Variants in TINAG observed in about 807,000 individuals in gnomAD.
The protein encoded by TINAG is tubulointerstitial nephritis antigen.
In TINAG, 83 loss-of-function variants were observed where a neutral mutation model predicts 72.7. The observed-to-expected ratio is 1.14, with a 90% CI of 0.96 to 1.37. The LOEUF (loss-of-function observed/expected upper bound fraction) is 1.37. Ranked by LOEUF, TINAG falls within the 40% of genes most tolerant of loss-of-function variation. TINAG has a pLI of 0.00. For synonymous variants in TINAG, 234 were observed against 189.9 expected, an observed-to-expected ratio of 1.23 and a Z score of -1.91; for missense variants, 685 against 576.6, an observed-to-expected ratio of 1.19 and a Z score of -1.93.
At chr6:54,348,804 T>C (rs1785191714) in intron 6 of TINAG, among the ~76,000 whole-genome samples, 1 of 152,160 alleles carries the variant, frequency 6.6e-6, no homozygotes, top group Non-Finnish European at 1.5e-5. Context: ...ATGTAATGCA[T>C]TTAATGCAAT....
At chr6:54,349,941 T>C (rs570409208) in intron 7 of TINAG, 45 bp downstream of exon 7, 2 of 1,365,386 alleles carry the variant, frequency 1.5e-6, no homozygotes, top group Non-Finnish European at 2.0e-6. Flanking sequence ...CTTTCTCAAA[T>C]GTATATAGCT....
At chr6:54,383,344 C>A (rs1764006351) in intron 10 of TINAG, among the ~76,000 whole-genome samples, 1 of 152,050 alleles carries the variant, frequency 6.6e-6, no homozygotes, top group South Asian at 2.1e-4. Flanking sequence ...AAAGCATTTA[C>A]AAATAGTCCT....
At chr6:54,382,763 G>T (rs1763988654) in intron 10 of TINAG, among the ~76,000 whole-genome samples, 1 of 152,070 alleles carries the variant, frequency 6.6e-6, no homozygotes. Context: ...GTCTACACAG[G>T]TAGCAGTGTA....
At chr6:54,368,340 T>A (rs949298202) in intron 9 of TINAG, among the ~76,000 whole-genome samples, 2 of 147,842 alleles carry the variant, frequency 1.4e-5, no homozygotes, top group African/African-American at 4.9e-5. Flanking sequence ...AATAATAATT[T>A]AAATATTAAA....
chr6:54,367,539 T>G (rs1480079957), intron 9 of TINAG, among the ~76,000 whole-genome samples: 1 of 151,720 alleles, frequency 6.6e-6, no homozygotes, highest in Non-Finnish European at 1.5e-5. Flanking sequence ...AGAAGAACCC[T>G]ACCTGAGCAT....
chr6:54,366,975 C>T (rs1489945904), intron 9 of TINAG: 1 of 151,486 alleles, frequency 6.6e-6, no homozygotes, highest in African/African-American at 2.4e-5. Context: ...AGACAGGGGG[C>T]CATTCTTCTA....
intron 4 of TINAG, among the ~76,000 whole-genome samples, chr6:54,329,183 A>T (rs1273603900): frequency 6.6e-6 from 1 of 152,116 alleles, no homozygotes; most frequent in South Asian, 2.1e-4. Context: ...TAGATTCACC[A>T]CGGTTAAAAT....
intron 5 of TINAG, among the ~76,000 whole-genome samples, chr6:54,343,930 G>C (rs1208628347): frequency 6.6e-6 from 1 of 152,116 alleles, no homozygotes; most frequent in Non-Finnish European, 1.5e-5. Context: ...TACTCAAAAA[G>C]TATAAGCAAT....
chr6:54,390,046 C>A lies in TINAG; in HGVS notation c.*121C>A. 1.5e-6 allele frequency: 2 copies of A among 1,370,952 alleles called. No homozygotes were observed. Among genetic ancestry groups the A allele is most frequent in the Non-Finnish European group, 9.9e-7 (1 of 1,008,732 alleles). 84.9% of individuals were successfully genotyped at this position (1,370,952 alleles called of 1,614,324 possible). A position where few individuals can be genotyped will look rare whatever the true frequency, so the allele number is the denominator to read the frequency against. On this transcript the variant is annotated 3_prime_UTR_variant, in exon 11 of 11. Coordinates refer to ENST00000259782, the MANE Select transcript of TINAG (RefSeq NM_014464.4). ...TCTTCACCGTGTTAACATAATCTAT[C>A]TATTTTCTTATTTTCCCCTCTGGTC...
intron 9 of TINAG, among the ~76,000 whole-genome samples, chr6:54,359,854 T>G (rs1046120106): frequency 6.6e-6 from 1 of 151,856 alleles, no homozygotes; most frequent in Non-Finnish European, 1.5e-5. Flanking sequence ...ATGAATGCAT[T>G]AATGAATTAG....
intron 10 of TINAG, among the ~76,000 whole-genome samples, chr6:54,382,467 A>T (rs1763980529): frequency 6.6e-6 from 1 of 152,108 alleles, no homozygotes; most frequent in Non-Finnish European, 1.5e-5. Context: ...AATTAAAATA[A>T]TTTTATTTTT....
chr6:54,367,707 CTTG>C (rs751522805), intron 9 of TINAG, among the ~76,000 whole-genome samples: 4 of 151,704 alleles, frequency 2.6e-5, no homozygotes, highest in Admixed American at 6.6e-5. Context: ...GTTTTTAAAA[CTTG>C]TTGTGTATGA....
At chr6:54,369,604 G>A (rs1255902906) in intron 9 of TINAG, among the ~76,000 whole-genome samples, 1 of 151,918 alleles carries the variant, frequency 6.6e-6, no homozygotes, top group African/African-American at 2.4e-5. Context: ...CTAGGAGCAT[G>A]GCGTTGAGTT....
chr6:54,327,781 GC>G (rs1329278696), intron 4 of TINAG, among the ~76,000 whole-genome samples: 6 of 152,098 alleles, frequency 3.9e-5, no homozygotes, highest in Admixed American at 6.6e-5. Flanking sequence ...AGGGGCGTCG[GC>G]CATTACTGAG....
At chr6:54,334,781 C>T (rs1367845538) in intron 4 of TINAG, among the ~76,000 whole-genome samples, 1 of 152,112 alleles carries the variant, frequency 6.6e-6, no homozygotes, top group African/African-American at 2.4e-5. Context: ...TCCAATATAG[C>T]GTTGGCCAAT....
At chr6:54,358,455 G>A (rs192858423) in intron 9 of TINAG, among the ~76,000 whole-genome samples, 20 of 150,276 alleles carry the variant, frequency 1.3e-4, no homozygotes, top group Admixed American at 8.0e-4. Context: ...TCTTTTCAAC[G>A]AATGAATGAG....
chr6:54,363,032 G>A (rs926275320), intron 9 of TINAG, among the ~76,000 whole-genome samples: 1 of 151,546 alleles, frequency 6.6e-6, no homozygotes, highest in South Asian at 2.1e-4. Flanking sequence ...TCTGAGAAAC[G>A]TCGCTGAGGA....
chr6:54,349,716 A>G lies in TINAG; in HGVS notation c.900A>G (p.Gly300=), dbSNP rs1785214606. The change falls in exon 7 of 11, where the codon GGA becomes GGG. Residue 300 remains glycine (G), a splice_region_variant and synonymous_variant. Coordinates refer to ENST00000259782, the MANE Select transcript of TINAG (RefSeq NM_014464.4). ...DRAWWYLRKR[G]LVSHACYPLF... is the part of the protein sequence containing the mutation. ...TTGCTTCTTTGCTTATTCCTCATAG[A>G]CTGGTATCCCACGCATGCTACCCAC... The G allele has an allele frequency of 6.4e-7, 1 of 1,556,830 alleles. No individual in the cohort carries two copies. Among genetic ancestry groups the G allele is most frequent in the South Asian group, 1.2e-5 (1 of 82,616 alleles).
intron 9 of TINAG, among the ~76,000 whole-genome samples, chr6:54,377,460 C>T (rs895723372): frequency 1.3e-5 from 2 of 151,874 alleles, no homozygotes; most frequent in Admixed American, 6.6e-5. Context: ...TGCTATGAGC[C>T]GATACTGTGT....
Sources: gnomAD v4.1 joint callset for allele counts (sites outside exome capture counted in the v4.1 genomes callset) on GRCh38, gnomAD v4.1.1 for gene constraint, MANE v1.5 for transcripts, NCBI Gene and HGNC (gene_info 2026-07-23, HGNC 2026-07-21) for gene names.